The following LDLRAD4 variants were observed in gnomAD, a reference collection of about 807,000 sequenced individuals.
LDLRAD4 encodes low density lipoprotein receptor class A domain containing 4, also known as low-density lipoprotein receptor class A domain-containing protein 4.
Under a neutral mutation model 17.0 loss-of-function variants are expected in LDLRAD4, and 5 were observed. The ratio of observed to expected loss-of-function variants is 0.29; its 90% CI spans 0.15 to 0.62. The LOEUF is 0.62. Ranked by LOEUF, LDLRAD4 falls within the 20% of genes least tolerant of loss-of-function variation. The pLI is 0.84. For synonymous variants in LDLRAD4, 168 were observed against 171.8 expected (o/e 0.98, Z 0.17); for missense variants, 340 against 424.7 (o/e 0.80, Z 1.75).
At chr18:13,393,644 C>G (rs1162255463) in intron 2 of LDLRAD4, among the ~76,000 whole-genome samples, 1 of 152,196 alleles carries the variant, frequency 6.6e-6, no homozygotes, top group Non-Finnish European at 1.5e-5. Flanking sequence ...TGCCTCCGTT[C>G]TCTCCTCTCT....
chr18:13,616,259 G>GA (rs1002783293), intron 3 of LDLRAD4: 10 of 149,904 alleles, frequency 6.7e-5, no homozygotes, highest in Non-Finnish European at 1.5e-4. Flanking sequence ...GGTGGGGGGG[G>GA]GGGGGTTGCC....
At chr18:13,443,609 G>C (rs1240046239) in intron 3 of LDLRAD4, among the ~76,000 whole-genome samples, 2 of 152,246 alleles carry the variant, frequency 1.3e-5, no homozygotes, top group Non-Finnish European at 2.9e-5. Context: ...GAAGCCCCAG[G>C]CATCGTAGAT....
chr18:13,237,570 T>G (rs2042398187), intron 1 of LDLRAD4, among the ~76,000 whole-genome samples: 1 of 152,190 alleles, frequency 6.6e-6, no homozygotes, highest in Admixed American at 6.5e-5. Flanking sequence ...AAGCAGTTAG[T>G]TCGAAGACAT....
intron 3 of LDLRAD4, among the ~76,000 whole-genome samples, chr18:13,576,437 A>AAAAAAAAAAAAAG (rs1555750703): frequency 1.2e-5 from 1 of 83,598 alleles, no homozygotes; most frequent in African/African-American, 3.1e-5. Context: ...AAAAAAAAAA[A>AAAAAAAAAAAAAG]AAAGAAAGAA....
intron 1 of LDLRAD4, among the ~76,000 whole-genome samples, chr18:13,313,243 G>A (rs1353153587): frequency 2.0e-5 from 3 of 152,178 alleles, no homozygotes; most frequent in Non-Finnish European, 4.4e-5. Context: ...ATTTGAGTTG[G>A]CGTTGTGCAC....
intron 2 of LDLRAD4, chr18:13,421,007 A>G (rs1052096022): frequency 6.6e-6 from 1 of 152,150 alleles, no homozygotes; most frequent in Non-Finnish European, 1.5e-5. Flanking sequence ...TCCTTTTTGT[A>G]CAGAGAAAGG....
At chr18:13,359,289 AGAGACCTTCAAGTAAATG>A (rs1461774079) in intron 1 of LDLRAD4, among the ~76,000 whole-genome samples, 1 of 152,210 alleles carries the variant, frequency 6.6e-6, no homozygotes, top group African/African-American at 2.4e-5. Context: ...CATGGTTGTA[AGAGACCTTCAAGTAAATG>A]GAGTAGCCTT....
intron 2 of LDLRAD4, among the ~76,000 whole-genome samples, chr18:13,431,590 T>G (rs533777594): frequency 1.3e-5 from 2 of 152,320 alleles, no homozygotes; most frequent in African/African-American, 4.8e-5. Flanking sequence ...TTGTTGCATG[T>G]TTCACTTATG....
chr18:13,594,985 A>T (rs904963251), intron 3 of LDLRAD4, among the ~76,000 whole-genome samples: 3 of 151,724 alleles, frequency 2.0e-5, no homozygotes, highest in African/African-American at 4.8e-5. Flanking sequence ...CCTTTCTAGA[A>T]TTTTTTTTCA....
At chr18:13,577,064 T>C (rs140958353) in intron 3 of LDLRAD4, among the ~76,000 whole-genome samples, 29 of 135,268 alleles carry the variant, frequency 2.1e-4, no homozygotes, top group African/African-American at 7.8e-4. Flanking sequence ...TTTTTGTTTT[T>C]ATTTGCGGTT....
At chr18:13,535,365 G>T (rs1311351345) in intron 3 of LDLRAD4, among the ~76,000 whole-genome samples, 1 of 152,122 alleles carries the variant, frequency 6.6e-6, no homozygotes, top group Non-Finnish European at 1.5e-5. Flanking sequence ...AGTCATTCTG[G>T]TGGTTGTGTA....
chr18:13,584,662 T>C (rs2094911268), intron 3 of LDLRAD4, among the ~76,000 whole-genome samples: 1 of 152,176 alleles, frequency 6.6e-6, no homozygotes, highest in Admixed American at 6.5e-5. Flanking sequence ...AATTCCATAT[T>C]ACCACTTCTT....
intron 2 of LDLRAD4, among the ~76,000 whole-genome samples, chr18:13,400,075 G>A (rs978310825): frequency 1.3e-5 from 2 of 152,186 alleles, no homozygotes; most frequent in Admixed American, 1.3e-4. Flanking sequence ...AGAGCCAGTC[G>A]GCGTTAGCGG....
chr18:13,389,588 A>G (rs759101390), intron 2 of LDLRAD4, among the ~76,000 whole-genome samples: 6 of 152,156 alleles, frequency 3.9e-5, no homozygotes, highest in Non-Finnish European at 7.4e-5. Flanking sequence ...CCCGAGGAAA[A>G]GTGGCACACT....
chr18:13,343,601 A>T, intron 1 of LDLRAD4, among the ~76,000 whole-genome samples: 1 of 152,130 alleles, frequency 6.6e-6, no homozygotes, highest in East Asian at 1.9e-4. Flanking sequence ...TATACCCAGT[A>T]ATGGGATTGC....
At position 13,645,147 on chromosome 18, in the gene LDLRAD4, C is replaced by T; in HGVS notation, c.411C>T (p.Ser137=). The T allele has an allele frequency of 1.2e-6, 2 of 1,612,758 alleles. No homozygotes were observed. Among genetic ancestry groups the T allele is most frequent in the African/African-American group, 1.3e-5 (1 of 75,010 alleles). Residue 137 remains serine, a synonymous_variant, in exon 6 of 6, where the codon TCC becomes TCT. Coordinates refer to ENST00000359446, the Ensembl canonical transcript of LDLRAD4. The surrounding 1 kb of genome is among the most constrained non-coding windows in gnomAD (Gnocchi z 5.7). Reference sequence around the variant, plus strand: ...TCCAGATCATGCATGCCCCGCGGTCCAGGGACAGGTTCACAGCGCCGTCCT... The same window carrying T: ...TCCAGATCATGCATGCCCCGCGGTCTAGGGACAGGTTCACAGCGCCGTCCT...
intron 3 of LDLRAD4, among the ~76,000 whole-genome samples, chr18:13,578,564 G>T (rs1313814611): frequency 6.6e-6 from 1 of 152,196 alleles, no homozygotes. Context: ...ACACATAGAA[G>T]TATTAACCTT....
chr18:13,447,198 G>A (rs1428538875), intron 3 of LDLRAD4, among the ~76,000 whole-genome samples: 1 of 145,560 alleles, frequency 6.9e-6, no homozygotes, highest in Non-Finnish European at 1.5e-5. Context: ...GACCCAAGGT[G>A]GTATTTAAAA....
intron 3 of LDLRAD4, chr18:13,500,828 A>G (rs950080213): frequency 1.3e-4 from 20 of 152,232 alleles, no homozygotes; most frequent in African/African-American, 4.8e-4. Context: ...TTGTGAGGCC[A>G]TAAAACACAT....
Sources: gnomAD v4.1 joint callset for allele counts (sites outside exome capture counted in the v4.1 genomes callset) on GRCh38, gnomAD v4.1.1 for gene constraint, Gnocchi (gnomAD v3.1) non-coding constraint, MANE v1.5 for transcripts, NCBI Gene and HGNC (gene_info 2026-07-23, HGNC 2026-07-21) for gene names.